Variants in ZSCAN5A observed in about 807,000 individuals in gnomAD.
ZSCAN5A encodes zinc finger and SCAN domain-containing protein 5A.
In ZSCAN5A, 12 loss-of-function variants were observed where a neutral mutation model predicts 23.7. That is an observed-to-expected ratio of 0.51 (90% confidence interval 0.32 to 0.82). The LOEUF (loss-of-function observed/expected upper bound fraction) is 0.82, where lower values mean the gene tolerates loss of function less well. Ranked by LOEUF, ZSCAN5A falls within the 40% of genes least tolerant of loss-of-function variation. The probability of loss-of-function intolerance (pLI) is 0.03; values close to 1 mark genes in which losing one functional copy is unlikely to be tolerated. For synonymous variants in ZSCAN5A, 257 were observed against 239.9 expected, an observed-to-expected ratio of 1.07 and a Z score of -0.66; for missense variants, 597 against 617.9, an observed-to-expected ratio of 0.97 and a Z score of 0.36.
chr19:56,309,909 G>A (rs531633920), intron 2 of ZSCAN5A, among the ~76,000 whole-genome samples: 8 of 152,244 alleles, frequency 5.3e-5, no homozygotes, highest in South Asian at 4.1e-4. Context: ...TGAGGGAAGC[G>A]TGTTCCAGCT....
At chr19:56,307,891 C>A (rs1462628606) in intron 2 of ZSCAN5A, among the ~76,000 whole-genome samples, 1 of 152,204 alleles carries the variant, frequency 6.6e-6, no homozygotes, top group Non-Finnish European at 1.5e-5. Context: ...TTTCAGGGAA[C>A]CTGGCAGGAA....
chr19:56,304,813 C>T, intron 2 of ZSCAN5A: 2 of 985,126 alleles, frequency 2.0e-6, no homozygotes, highest in South Asian at 4.7e-5. Context: ...ACTACTGTAA[C>T]TTGGAACTGG....
chr19:56,302,138 A>G, intron 2 of ZSCAN5A: 1 of 1,222,814 alleles, frequency 8.2e-7, no homozygotes, highest in Non-Finnish European at 1.0e-6. Context: ...TGAGGAGAGG[A>G]AGGAAAGAGG....
rs903856742 is a variant in ZSCAN5A, at chr19:56,362,425, C to T, written c.-358+810G>A. Among the ~76,000 whole-genome samples, 9 of 151,492 alleles carry T rather than the reference C, an allele frequency of 5.9e-5. No individual in the cohort carries two copies. In the South Asian group the frequency reaches 6.3e-4, roughly 11 times the overall value. ...TCTACTGACAGTACAAAGAATCAGC[C>T]GGGCATGGAGGCATGCGCCTGTAAT... On this transcript the variant is annotated intron_variant, in intron 2 of 6. Coordinates refer to the ZSCAN5A transcript ENST00000587340.
At chr19:56,302,638 T>C (rs1208321780) in intron 2 of ZSCAN5A, among the ~76,000 whole-genome samples, 2 of 110,390 alleles carry the variant, frequency 1.8e-5, no homozygotes, top group Admixed American at 1.0e-4. Flanking sequence ...TCCTCCTCCC[T>C]TCCTTTTCTT....
At chr19:56,302,413 T>G (rs2040312911) in intron 2 of ZSCAN5A, among the ~76,000 whole-genome samples, 3 of 135,780 alleles carry the variant, frequency 2.2e-5, no homozygotes, top group Non-Finnish European at 4.7e-5. Flanking sequence ...TCCTCCTCCC[T>G]TCATCCCTCC....
intron 1 of ZSCAN5A, among the ~76,000 whole-genome samples, chr19:56,365,413 T>C (rs545281721): frequency 1.4e-4 from 22 of 152,324 alleles, no homozygotes; most frequent in Non-Finnish European, 3.1e-4. Context: ...TCCTCAACAA[T>C]AGACACGCAG....
intron 2 of ZSCAN5A, among the ~76,000 whole-genome samples, chr19:56,311,555 G>T (rs1485657282): frequency 6.6e-6 from 1 of 152,140 alleles, no homozygotes; most frequent in Non-Finnish European, 1.5e-5. Flanking sequence ...GCATCAGTTG[G>T]TATATTTCAT....
chr19:56,305,950 G>A (rs1160954166), intron 2 of ZSCAN5A, among the ~76,000 whole-genome samples: 4 of 150,362 alleles, frequency 2.7e-5, no homozygotes, highest in African/African-American at 9.8e-5. Context: ...TGTGCCTGGA[G>A]TCAGAAAGAA....
chr19:56,255,455 A>T (rs1600106463), intron 2 of ZSCAN5A, among the ~76,000 whole-genome samples: 1 of 151,604 alleles, frequency 6.6e-6, no homozygotes, highest in South Asian at 2.1e-4. Flanking sequence ...AAAACAAAAA[A>T]CCCAACCTGC....
chr19:56,291,557 C>T (rs2039511530), intron 2 of ZSCAN5A, among the ~76,000 whole-genome samples: 1 of 152,118 alleles, frequency 6.6e-6, no homozygotes, highest in African/African-American at 2.4e-5. Flanking sequence ...CCTCTCCTTC[C>T]TTCCTTCCTC....
intron 2 of ZSCAN5A, among the ~76,000 whole-genome samples, chr19:56,226,874 T>G (rs1324605374): frequency 1.3e-5 from 2 of 152,022 alleles, no homozygotes; most frequent in Non-Finnish European, 2.9e-5. Context: ...CTCAATATAC[T>G]CATGCAACAA....
chr19:56,326,890 C>T (rs912401996), intron 2 of ZSCAN5A, among the ~76,000 whole-genome samples: 2 of 152,164 alleles, frequency 1.3e-5, no homozygotes, highest in Non-Finnish European at 2.9e-5. Context: ...CAGAACATAG[C>T]AGCTGAAAGA....
intron 2 of ZSCAN5A, among the ~76,000 whole-genome samples, chr19:56,326,240 T>C (rs2041432665): frequency 6.6e-6 from 1 of 152,062 alleles, no homozygotes; most frequent in Non-Finnish European, 1.5e-5. Flanking sequence ...CCTGGCCTGA[T>C]ATACGTATAT....
At chr19:56,281,469 T>C (rs1261130501) in intron 2 of ZSCAN5A, among the ~76,000 whole-genome samples, 1 of 152,224 alleles carries the variant, frequency 6.6e-6, no homozygotes, top group East Asian at 1.9e-4. Context: ...TACAATGCTA[T>C]CGCTGTATTG....
chr19:56,343,268 G>A, intron 2 of ZSCAN5A: 1 of 819,870 alleles, frequency 1.2e-6, no homozygotes. Flanking sequence ...ATTCCTCTGT[G>A]AGGAGGCTTT....
At chr19:56,253,763 T>C (rs926753287) in intron 2 of ZSCAN5A, among the ~76,000 whole-genome samples, 1 of 152,172 alleles carries the variant, frequency 6.6e-6, no homozygotes, top group Non-Finnish European at 1.5e-5. Flanking sequence ...GGATGAGAAC[T>C]GGAGAAAGTA....
intron 2 of ZSCAN5A, among the ~76,000 whole-genome samples, chr19:56,290,654 T>A (rs2039448292): frequency 6.6e-6 from 1 of 151,886 alleles, no homozygotes; most frequent in African/African-American, 2.4e-5. Flanking sequence ...AGCCCAGGAG[T>A]TTAAGATCAG....
intron 2 of ZSCAN5A, among the ~76,000 whole-genome samples, chr19:56,331,074 T>C (rs1319793608): frequency 6.6e-6 from 1 of 152,198 alleles, no homozygotes; most frequent in African/African-American, 2.4e-5. Context: ...TTCTTCACCA[T>C]TGTTTTTCTG....
Sources: gnomAD v4.1 joint callset for allele counts (sites outside exome capture counted in the v4.1 genomes callset) on GRCh38, gnomAD v4.1.1 for gene constraint, MANE v1.5 for transcripts, NCBI Gene and HGNC (gene_info 2026-07-23, HGNC 2026-07-21) for gene names.